The following ABCG8 variants were observed in gnomAD, a reference collection of about 807,000 sequenced individuals.
ABCG8 encodes the protein ATP binding cassette subfamily G member 8.
A neutral mutation model predicts 71.3 loss-of-function variants in ABCG8; 81 were observed. The observed-to-expected ratio is 1.14, with a 90% CI of 0.95 to 1.37. ABCG8 has a LOEUF of 1.37. ABCG8 is among the 40% of genes most tolerant of loss of function. ABCG8 has a pLI of 0.00. For missense variants in ABCG8, 1,119 were observed against 866.2 expected (o/e 1.29, Z -3.66); for synonymous variants, 451 against 354.7 (o/e 1.27, Z -3.05).
chr2:43,869,323 C>A (rs1390498039), intron 6 of ABCG8, among the ~76,000 whole-genome samples: 1 of 151,954 alleles, frequency 6.6e-6, no homozygotes, highest in Non-Finnish European at 1.5e-5. Flanking sequence ...CTCTCACTAT[C>A]TTTCTGGATA....
rs1481623819 is a variant in ABCG8, at chr2:43,851,511, A to G, written c.323-73A>G. 9 of 1,528,360 alleles carry G rather than the reference A, an allele frequency of 5.9e-6. No homozygotes were observed. In the Admixed American group the frequency reaches 6.7e-5, roughly 11 times the overall value. The allele number at this position is 1,528,360 out of a possible 1,614,324, so 94.7% of individuals were successfully genotyped here. ...AGTAGTCCGGGGTCCTGGAGAGTGT[A>G]TGGGGAGCAGTGGCTGACAGCCTGG... is the stretch of plus-strand genomic sequence containing the variant. On this transcript the variant is annotated intron_variant, in intron 3 of 12. Coordinates refer to ENST00000272286, the MANE Select transcript of ABCG8 (RefSeq NM_022437.3).
At chr2:43,877,169 A>C (rs1451522235) in intron 11 of ABCG8, among the ~76,000 whole-genome samples, 1 of 147,210 alleles carries the variant, frequency 6.8e-6, no homozygotes, top group Admixed American at 6.8e-5. Flanking sequence ...TATGGGGAAG[A>C]CCATGTCAAT....
intron 3 of ABCG8, among the ~76,000 whole-genome samples, chr2:43,850,403 A>G (rs1668876649): frequency 1.3e-5 from 2 of 152,188 alleles, no homozygotes; most frequent in African/African-American, 2.4e-5. Context: ...ATCAATAATA[A>G]TTAGTACATC....
chr2:43,865,581 G>A (rs1669500563), intron 6 of ABCG8, among the ~76,000 whole-genome samples: 1 of 139,708 alleles, frequency 7.2e-6, no homozygotes, highest in African/African-American at 2.7e-5. Flanking sequence ...CTCACTATCT[G>A]GATAGAATTC....
Position 43,875,400 on chromosome 2 carries a change from C to A in ABCG8, c.1743C>A (p.Ser581Arg), listed in dbSNP as rs750730480. ...YLAGGFMINL[S>R]SLWTVPAWIS... is the part of the protein sequence containing the mutation. The stretch of plus-strand genomic sequence containing the variant: ...CCGGGGGCTTCATGATAAACTTGAG[C>A]AGCCTGTGGACAGGTAAGGCCTGCC... Residue 581 changes from serine to arginine, a missense_variant, in exon 11 of 13, where the codon AGC (serine) becomes AGA (arginine). By Grantham distance (110) the Ser-to-Arg change is moderately radical. Coordinates refer to ENST00000272286, the MANE Select transcript of ABCG8 (RefSeq NM_022437.3). 14 of 1,613,890 alleles carry A rather than the reference C, an allele frequency of 8.7e-6. No individual in the cohort carries two copies. The highest frequency in any genetic ancestry group is 3.3e-5 in the Admixed American group (2 of 60,016).
chr2:43,871,322 C>T (rs77691891), intron 6 of ABCG8, among the ~76,000 whole-genome samples: 1 of 140,316 alleles, frequency 7.1e-6, no homozygotes, highest in South Asian at 2.4e-4. Context: ...ATAGAACTCT[C>T]ACTCTCTGGA....
At position 43,868,680 on chromosome 2, in the gene ABCG8, T is replaced by G. The variant is rs546089218; in HGVS notation, c.965-3296T>G. Among the ~76,000 whole-genome samples the G allele has an allele frequency of 4.6e-5, 7 of 151,796 alleles. No homozygotes were observed. In the South Asian group the frequency reaches 1.5e-3, roughly 32 times the overall value. ...GATAGAATTCTCACTCTCTGGATAC[T>G]ACTCTCGCTATCTGGATAGAATTCT... On this transcript the variant is annotated intron_variant, in intron 6 of 12. Coordinates refer to ENST00000272286, the MANE Select transcript of ABCG8 (RefSeq NM_022437.3).
intron 6 of ABCG8, among the ~76,000 whole-genome samples, chr2:43,870,547 A>G (rs372225755): frequency 1.1e-4 from 16 of 149,870 alleles, no homozygotes; most frequent in African/African-American, 2.5e-4. Flanking sequence ...AACTCTCACT[A>G]TCTGTCTGGG....
chr2:43,871,059 T>G (rs566629612), intron 6 of ABCG8, among the ~76,000 whole-genome samples: 5 of 138,038 alleles, frequency 3.6e-5, no homozygotes, highest in East Asian at 1.9e-4. Flanking sequence ...GAATTCTTAC[T>G]CTAGATAGAA....
At position 43,881,237 on chromosome 2, in the gene ABCG8, GAGAAAA is replaced by G. The variant is rs1371501506; in HGVS notation, c.*3325_*3330del. ...GCAAAGTGCAAAGGCAGGAGGGATG[GAGAAAA>G]TATAGCAGCTGCCATTTATTTGTGT... is the stretch of plus-strand genomic sequence containing the variant. On this transcript the variant is annotated 3_prime_UTR_variant, in exon 13 of 13. Transcript: ENST00000272286. The G allele has an allele frequency of 6.6e-6, 1 of 152,262 alleles. No homozygotes were observed. The highest frequency in any genetic ancestry group is 2.4e-5 in the African/African-American group (1 of 41,454). 9.4% of individuals were successfully genotyped at this position (152,262 alleles called of 1,614,324 possible).
intron 8 of ABCG8, among the ~76,000 whole-genome samples, chr2:43,872,541 G>T (rs1669819231): frequency 6.6e-6 from 1 of 152,134 alleles, no homozygotes; most frequent in African/African-American, 2.4e-5. Flanking sequence ...GGGCAACAAG[G>T]TGAAAGCCCA....
intron 8 of ABCG8, among the ~76,000 whole-genome samples, chr2:43,873,375 A>G (rs1669847447): frequency 6.6e-6 from 1 of 151,870 alleles, no homozygotes; most frequent in Non-Finnish European, 1.5e-5. Flanking sequence ...TGTTTTTAGT[A>G]GAGATGGAGT....
At chr2:43,872,681 C>T (rs751647041) in intron 8 of ABCG8, among the ~76,000 whole-genome samples, 6 of 152,180 alleles carry the variant, frequency 3.9e-5, no homozygotes, top group Non-Finnish European at 8.8e-5. Context: ...TTCACTCCAG[C>T]CTAGGCAGCA....
rs746723023 is a variant in ABCG8, at chr2:43,852,389, G to T, written c.597G>T (p.Gln199His). 1 of 1,612,326 alleles carries T rather than the reference G, an allele frequency of 6.2e-7. No individual in the cohort carries two copies. Among genetic ancestry groups the T allele is most frequent in the South Asian group, 1.1e-5 (1 of 91,004 alleles). ...EDVIAELRLR[Q>H]CADTRVGNMY... ...TGATCGCGGAGCTGCGGCTTAGGCA[G>T]TGCGCTGACACCCGCGTGGGCAACA... Residue 199 changes from glutamine (Q) to histidine (H), a missense_variant, in exon 5 of 13, where the codon CAG becomes CAT. Gln to His is a conservative substitution (Grantham distance 24). Coordinates refer to ENST00000272286, the MANE Select transcript of ABCG8 (RefSeq NM_022437.3).
At position 43,880,663 on chromosome 2, in the gene ABCG8, T is replaced by C. The variant is rs11685087; in HGVS notation, c.*2750T>C. ...CAGAGTTAGGGAGTGTGTGTGTGTG[T>C]GCGCGCGCGCGCGCGCATGTGCATA... is the stretch of plus-strand genomic sequence containing the variant. On this transcript the variant is annotated 3_prime_UTR_variant, in exon 13 of 13. Coordinates refer to ENST00000272286, the MANE Select transcript of ABCG8 (RefSeq NM_022437.3). 0.28 allele frequency: 42,094 copies of C among 151,830 alleles called. 5,908 individuals are homozygous for C. The highest frequency in any genetic ancestry group is 0.31 in the African/African-American group (12,769 of 41,382). The allele number at this position is 151,830 out of a possible 1,614,324, so 9.4% of individuals were successfully genotyped here.
intron 6 of ABCG8, among the ~76,000 whole-genome samples, chr2:43,866,502 A>G (rs1299167010): frequency 2.0e-5 from 3 of 152,118 alleles, no homozygotes; most frequent in Non-Finnish European, 4.4e-5. Context: ...TTTACAAGAA[A>G]AAAACAAACA....
intron 6 of ABCG8, among the ~76,000 whole-genome samples, chr2:43,863,848 C>T (rs2104934866): frequency 6.6e-6 from 1 of 151,714 alleles, no homozygotes; most frequent in Middle Eastern, 3.4e-3. Flanking sequence ...ATAGAACTCT[C>T]ACTATCTGTC....
intron 1 of ABCG8, among the ~76,000 whole-genome samples, chr2:43,844,211 T>C (rs1298510397): frequency 6.6e-6 from 1 of 152,136 alleles, no homozygotes; most frequent in Non-Finnish European, 1.5e-5. Flanking sequence ...TCTGGGTCTC[T>C]TTACCAGAAG....
chr2:43,852,319 C>T, intron 4 of ABCG8, 35 bp from the exon 5 acceptor site: 3 of 1,611,786 alleles, frequency 1.9e-6, no homozygotes, highest in Non-Finnish European at 1.7e-6. Context: ...GAAGGAGGCC[C>T]CTGAGGTGGC....
Sources: allele counts gnomAD v4.1 joint callset (sites outside exome capture counted in the v4.1 genomes callset), GRCh38; gene constraint gnomAD v4.1.1; transcripts MANE v1.5; gene names NCBI Gene and HGNC (gene_info 2026-07-23, HGNC 2026-07-21).